Variants in CUBN observed in about 807,000 individuals in gnomAD.
The protein encoded by CUBN is 460 kDa receptor.
A neutral mutation model predicts 405.3 loss-of-function variants in CUBN; 282 were observed. That is an observed-to-expected ratio of 0.70 (90% CI 0.63 to 0.77). CUBN has a LOEUF of 0.77. Ranked by LOEUF, CUBN falls within the 30% of genes least tolerant of loss-of-function variation. CUBN has a pLI of 0.00. For synonymous variants in CUBN, 1,684 were observed against 1,617.0 expected (o/e 1.04, Z -0.99); for missense variants, 4,514 against 4,475.2 (o/e 1.01, Z -0.25).
At chr10:17,017,809 G>A (rs942168375) in intron 28 of CUBN, among the ~76,000 whole-genome samples, 6 of 152,128 alleles carry the variant, frequency 3.9e-5, no homozygotes, top group African/African-American at 1.4e-4. Context: ...ACAGAGACAG[G>A]GAGTGGTTTT....
intron 65 of CUBN, 50 bp from the exon 66 acceptor site, chr10:16,829,090 C>T: frequency 7.1e-6 from 10 of 1,415,480 alleles, no homozygotes; most frequent in Non-Finnish European, 9.9e-6. Flanking sequence ...TATAAGCCGT[C>T]CAGTCTGGCT....
At chr10:17,121,506 T>G (rs1837040807) in intron 6 of CUBN, among the ~76,000 whole-genome samples, 1 of 118,518 alleles carries the variant, frequency 8.4e-6, no homozygotes, top group South Asian at 2.9e-4. Flanking sequence ...TGAGAACACA[T>G]GGACACAGGA....
At chr10:16,981,180 C>CACACACACACACACAG (rs1554804637) in intron 31 of CUBN, among the ~76,000 whole-genome samples, 1 of 151,092 alleles carries the variant, frequency 6.6e-6, no homozygotes, top group Non-Finnish European at 1.5e-5. Flanking sequence ...ACTCAGCAGA[C>CACACACACACACACAG]ACACACACAC....
chr10:16,855,852 G>C (rs1839854998), intron 59 of CUBN, among the ~76,000 whole-genome samples: 1 of 152,186 alleles, frequency 6.6e-6, no homozygotes. Context: ...TATTACATGA[G>C]TGAACAGTTA....
chr10:16,857,848 G>C (rs909410526), intron 59 of CUBN, among the ~76,000 whole-genome samples: 1 of 152,138 alleles, frequency 6.6e-6, no homozygotes, highest in East Asian at 1.9e-4. Context: ...AAAATATATA[G>C]AGAGACTGGA....
At chr10:17,029,811 G>T (rs932228068) in intron 27 of CUBN, among the ~76,000 whole-genome samples, 2 of 152,202 alleles carry the variant, frequency 1.3e-5, no homozygotes, top group African/African-American at 4.8e-5. Context: ...TCGCCAACTG[G>T]AAAACAGGAT....
At chr10:16,925,811 G>A (rs542105155) in intron 41 of CUBN, 37 bp from the exon 42 acceptor site, 1 of 1,586,536 alleles carries the variant, frequency 6.3e-7, no homozygotes, top group South Asian at 1.1e-5. Context: ...TATTTAAATA[G>A]CATTGGCAAC....
rs371411602 is a variant in CUBN, at chr10:17,120,492, T to C, written c.593+2303A>G. On this transcript the variant is annotated intron_variant, in intron 6 of 66. Coordinates refer to ENST00000377833, the MANE Select transcript of CUBN (RefSeq NM_001081.4). ...GGAATCAAGATCATTTCCAAAGCCATCCACACATCATCAGTTCTTCTGTAT... is the reference window on the plus strand; with the variant it reads ...GGAATCAAGATCATTTCCAAAGCCACCCACACATCATCAGTTCTTCTGTAT... 1.4e-4 allele frequency among the ~76,000 whole-genome samples: 22 copies of C among 152,328 alleles called. No individual in the cohort carries two copies. In the South Asian group the frequency reaches 4.6e-3, roughly 32 times the overall value.
At position 17,084,286 on chromosome 10, in the gene CUBN, A is replaced by C. The variant is rs747151164; in HGVS notation, c.2286T>G (p.Ser762=). The change falls in exon 17 of 67, where the codon TCT becomes TCG. Residue 762 remains serine, a synonymous_variant. Coordinates refer to ENST00000377833, the MANE Select transcript of CUBN (RefSeq NM_001081.4). ...TGAAAGTTACCTCAATGTAATTCTGAGAACTGTCACTCTGGCATTGCAGCT... is the reference window on the plus strand; with the variant it reads ...TGAAAGTTACCTCAATGTAATTCTGCGAACTGTCACTCTGGCATTGCAGCT... ...HVELQCQSDS[S]QNYIEVRDGE... 3 of 1,614,070 alleles carry C rather than the reference A, an allele frequency of 1.9e-6. No homozygotes were observed. Among genetic ancestry groups the C allele is most frequent in the Non-Finnish European group, 2.5e-6 (3 of 1,180,006 alleles).
chr10:17,126,693 G>A, intron 4 of CUBN, 68 bp downstream of exon 4: 1 of 1,489,874 alleles, frequency 6.7e-7, no homozygotes, highest in Non-Finnish European at 9.4e-7. Flanking sequence ...AATAAGAATA[G>A]CAGCTCTATT....
At chr10:16,913,029 A>G (rs1841776747) in intron 48 of CUBN, among the ~76,000 whole-genome samples, 2 of 152,120 alleles carry the variant, frequency 1.3e-5, no homozygotes. Context: ...GAAATAGTTC[A>G]ATTGTGGATA....
At chr10:17,038,306 T>A (rs1834941915) in intron 27 of CUBN, among the ~76,000 whole-genome samples, 1 of 152,190 alleles carries the variant, frequency 6.6e-6, no homozygotes, top group South Asian at 2.1e-4. Flanking sequence ...AAGACTGAAA[T>A]CAAGTTGTAA....
intron 59 of CUBN, among the ~76,000 whole-genome samples, chr10:16,868,845 G>A (rs1840264135): frequency 6.6e-6 from 1 of 152,000 alleles, no homozygotes; most frequent in Non-Finnish European, 1.5e-5. Context: ...ATTTAAACAG[G>A]TCTTCCAACT....
At chr10:16,970,767 C>A (rs767250366) in intron 31 of CUBN, among the ~76,000 whole-genome samples, 14 of 152,062 alleles carry the variant, frequency 9.2e-5, no homozygotes, top group Non-Finnish European at 1.8e-4. Flanking sequence ...TTCTACTTAG[C>A]CTTGACCCTG....
At chr10:16,941,887 G>T (rs568569383) in intron 36 of CUBN, among the ~76,000 whole-genome samples, 1 of 152,040 alleles carries the variant, frequency 6.6e-6, no homozygotes, top group Admixed American at 6.6e-5. Context: ...GTTACAGACC[G>T]GGGTGGGGAA....
rs1840448568 is a variant in CUBN at position 16,874,589 on chromosome 10, A to G, written c.9107-86T>C. 4.6e-6 allele frequency: 7 copies of G among 1,520,222 alleles called. No individual in the cohort carries two copies. The South Asian group carries it at 6.8e-5, about 15-fold the overall frequency. 94.2% of individuals were successfully genotyped at this position (1,520,222 alleles called of 1,614,324 possible). ...ATTTTAAGAGATTCTATACTATTGT[A>G]CATTTTTCCCTAAAAGAGGTAATAA... On this transcript the variant is annotated intron_variant, in intron 57 of 66. Coordinates refer to ENST00000377833, the MANE Select transcript of CUBN (RefSeq NM_001081.4).
At chr10:17,059,157 A>T (rs1403480050) in intron 22 of CUBN, among the ~76,000 whole-genome samples, 2 of 152,100 alleles carry the variant, frequency 1.3e-5, no homozygotes, top group African/African-American at 4.8e-5. Context: ...AAAACATACA[A>T]ATGCCTTCTG....
intron 31 of CUBN, among the ~76,000 whole-genome samples, chr10:16,961,746 C>A (rs968419227): frequency 8.8e-6 from 1 of 113,650 alleles, no homozygotes; most frequent in East Asian, 2.8e-4. Flanking sequence ...GAGTCTCGCT[C>A]TGTGGCCCAG....
At position 16,919,943 on chromosome 10, in the gene CUBN, T is replaced by C. The variant is rs753314241; in HGVS notation, c.6821+20A>G. ...ATACTAACTTGGGGTAGGAAAAAAATGAAAATGGAAGTGACATACTTGGGT... is the reference window on the plus strand; with the variant it reads ...ATACTAACTTGGGGTAGGAAAAAAACGAAAATGGAAGTGACATACTTGGGT... On this transcript the variant is annotated intron_variant, in intron 44 of 66. Transcript: ENST00000377833. The C allele has an allele frequency of 5.8e-5, 93 of 1,611,302 alleles. No individual in the cohort carries two copies. The highest frequency in any genetic ancestry group is 7.7e-5 in the Non-Finnish European group (91 of 1,179,416).
Sources: gnomAD v4.1 joint callset for allele counts (sites outside exome capture counted in the v4.1 genomes callset) on GRCh38, gnomAD v4.1.1 for gene constraint, MANE v1.5 for transcripts, NCBI Gene and HGNC (gene_info 2026-07-23, HGNC 2026-07-21) for gene names.